Variants in ARPC1B observed in about 807,000 individuals in gnomAD.
ARPC1B encodes actin-related protein 2/3 complex subunit 1B.
Under a neutral mutation model 46.0 loss-of-function variants are expected in ARPC1B, and 29 were observed. The ratio of observed to expected loss-of-function variants is 0.63; its 90% CI spans 0.47 to 0.86. The LOEUF (loss-of-function observed/expected upper bound fraction) is 0.86, where lower values mean the gene tolerates loss of function less well. Ranked by LOEUF, ARPC1B falls within the 40% of genes least tolerant of loss-of-function variation. The probability of loss-of-function intolerance (pLI) is 0.00; values close to 1 mark genes in which losing one functional copy is unlikely to be tolerated. For synonymous variants in ARPC1B, 201 were observed against 213.9 expected, an observed-to-expected ratio of 0.94 and a Z score of 0.53; for missense variants, 469 against 529.4, an observed-to-expected ratio of 0.89 and a Z score of 1.12.
chr7:99,393,139 C>G (rs988260668), intron 8 of ARPC1B, among the ~76,000 whole-genome samples: 1 of 152,148 alleles, frequency 6.6e-6, no homozygotes, highest in Admixed American at 6.5e-5. Flanking sequence ...GGGCGGAGGC[C>G]GGCAGAGGTC....
At chr7:99,378,128 C>A (rs768746119) in intron 1 of ARPC1B, among the ~76,000 whole-genome samples, 1 of 152,026 alleles carries the variant, frequency 6.6e-6, no homozygotes, top group Admixed American at 6.6e-5. Flanking sequence ...GACGAGATCT[C>A]GGCTCACTGC....
chr7:99,384,809 A>G, intron 1 of ARPC1B, among the ~76,000 whole-genome samples: 1 of 150,666 alleles, frequency 6.6e-6, no homozygotes, highest in Admixed American at 6.6e-5. Flanking sequence ...GGCAGGGCCA[A>G]CTGCCATGTG....
chr7:99,390,605 C>T (rs1437321152), intron 5 of ARPC1B, among the ~76,000 whole-genome samples: 3 of 151,924 alleles, frequency 2.0e-5, no homozygotes, highest in Non-Finnish European at 4.4e-5. Flanking sequence ...GTCTCGAACC[C>T]CTGACTTCAA....
chr7:99,376,460 G>A (rs1007622602), intron 1 of ARPC1B: 1 of 152,206 alleles, frequency 6.6e-6, no homozygotes, highest in Admixed American at 6.6e-5. Flanking sequence ...CTAACTTCCT[G>A]GCCTCCAAGA....
At chr7:99,378,019 T>C (rs1340090143) in intron 1 of ARPC1B, among the ~76,000 whole-genome samples, 1 of 151,926 alleles carries the variant, frequency 6.6e-6, no homozygotes, top group African/African-American at 2.4e-5. Flanking sequence ...GTCACCTGGG[T>C]TTTTCCACAC....
In ARPC1B at chr7:99,394,632, C is replaced by A; in HGVS notation, c.*143C>A. The A allele has an allele frequency of 1.4e-6, 2 of 1,455,908 alleles. No individual in the cohort carries two copies. The highest frequency in any genetic ancestry group is 1.4e-5 in the South Asian group (1 of 70,670). 90.2% of individuals were successfully genotyped at this position (1,455,908 alleles called of 1,614,324 possible). A position where few individuals can be genotyped will look rare whatever the true frequency, so the allele number is the denominator to read the frequency against. On this transcript the variant is annotated 3_prime_UTR_variant, in exon 10 of 10. Coordinates refer to ENST00000646101, the MANE Select transcript of ARPC1B (RefSeq NM_005720.4). The stretch of plus-strand genomic sequence containing the variant: ...GCTGCTCCCTCAAAAAGGGAGGGGA[C>A]AGATGGGGAGCTTTTCTTACCTATT...
intron 3 of ARPC1B, among the ~76,000 whole-genome samples, chr7:99,387,810 G>C (rs1584407038): frequency 6.6e-6 from 1 of 151,350 alleles, no homozygotes; most frequent in Non-Finnish European, 1.5e-5. Context: ...TGAGGCACGA[G>C]GATTGCTTGA....
chr7:99,393,926 A>G, intron 8 of ARPC1B, 103 bp from the exon 9 acceptor site: 2 of 1,190,098 alleles, frequency 1.7e-6, no homozygotes, highest in Non-Finnish European at 1.2e-6. Context: ...ACTTCTCACT[A>G]AAGCCCGCTC....
At chr7:99,378,226 ATTTTTT>A (rs557812870) in intron 1 of ARPC1B, among the ~76,000 whole-genome samples, 2 of 138,550 alleles carry the variant, frequency 1.4e-5, no homozygotes, top group Non-Finnish European at 3.2e-5. Context: ...CATCCCGCTA[ATTTTTT>A]TTTTTTTTTT....
At chr7:99,377,790 A>C (rs1794073638) in intron 1 of ARPC1B, among the ~76,000 whole-genome samples, 1 of 151,254 alleles carries the variant, frequency 6.6e-6, no homozygotes, top group African/African-American at 2.4e-5. Flanking sequence ...GCCCACCACC[A>C]AGCCCAGATA....
chr7:99,381,445 G>A (rs1342757721), intron 1 of ARPC1B, among the ~76,000 whole-genome samples: 2 of 152,108 alleles, frequency 1.3e-5, no homozygotes, highest in African/African-American at 4.8e-5. Context: ...CATGCAAAGT[G>A]TGCTTGTGTG....
chr7:99,394,410 G>A (rs371286075), intron 9 of ARPC1B, 41 bp from the exon 10 acceptor site: 2 of 1,563,680 alleles, frequency 1.3e-6, no homozygotes, highest in Non-Finnish European at 1.8e-6. Flanking sequence ...GGTGCCTGCA[G>A]GACAGCTGAG....
At chr7:99,389,827 C>G (rs1794509679) in intron 4 of ARPC1B, 78 bp from the exon 5 acceptor site, 3 of 1,223,008 alleles carry the variant, frequency 2.5e-6, no homozygotes, top group Non-Finnish European at 3.6e-6. Flanking sequence ...CAGTGGGAGC[C>G]TGGAGTCCCT....
At chr7:99,382,333 C>T (rs370241865) in intron 1 of ARPC1B, among the ~76,000 whole-genome samples, 6 of 141,498 alleles carry the variant, frequency 4.2e-5, no homozygotes, top group African/African-American at 1.1e-4. Flanking sequence ...ACTCAGGAGG[C>T]GGAGGTTGGA....
chr7:99,374,309 CGACGGGGCTGCA>C (rs1793972705), upstream of ARPC1B: 2 of 152,212 alleles, frequency 1.3e-5, no homozygotes, highest in African/African-American at 4.8e-5. This position sits in a 1 kb window ranked among gnomAD's most constrained non-coding sequence, Gnocchi z 5.0. Flanking sequence ...CGCTGGCTGC[CGACGGGGCTGCA>C]GGGCTCGCTA....
At chr7:99,380,335 G>A (rs768048010) in intron 1 of ARPC1B, among the ~76,000 whole-genome samples, 17 of 150,904 alleles carry the variant, frequency 1.1e-4, no homozygotes, top group Non-Finnish European at 2.2e-4. Context: ...GGGAGTTATC[G>A]CAGAGGCGCT....
At position 99,389,989 on chromosome 7, in the gene ARPC1B, C is replaced by T. The variant is rs200945199; in HGVS notation, c.477C>T (p.Ala159=). ...DWHPNNVLLA[A]GSCDFKCRIF... is the part of the protein sequence containing the mutation. ...ACCCCAACAATGTGCTGCTGGCTGCCGGCTCCTGTGACTTCAAGTGTCGGT... is the reference window on the plus strand; with the variant it reads ...ACCCCAACAATGTGCTGCTGGCTGCTGGCTCCTGTGACTTCAAGTGTCGGT... The change falls in exon 5 of 10, where the codon GCC becomes GCT. Residue 159 remains alanine (A), a synonymous_variant. Coordinates refer to ENST00000646101, the MANE Select transcript of ARPC1B (RefSeq NM_005720.4). The T allele has an allele frequency of 6.4e-5, 103 of 1,614,110 alleles. No individual in the cohort carries two copies. Among genetic ancestry groups the T allele is most frequent in the African/African-American group, 2.8e-4 (21 of 75,060 alleles).
At position 99,390,881 on chromosome 7, in the gene ARPC1B, C is replaced by G; in HGVS notation, c.501-12C>G. 6.3e-7 allele frequency: 1 copy of G among 1,589,884 alleles called. No homozygotes were observed. The highest frequency in any genetic ancestry group is 8.6e-7 in the Non-Finnish European group (1 of 1,163,636). On this transcript the variant is annotated splice_polypyrimidine_tract_variant and intron_variant, in intron 5 of 9. Coordinates refer to ENST00000646101, the MANE Select transcript of ARPC1B (RefSeq NM_005720.4). ...CCTGGCTACTTTACCTCTACTTTGCCTATCCCGGTAGGATCTTTTCAGCCT... is the reference window on the plus strand; with the variant it reads ...CCTGGCTACTTTACCTCTACTTTGCGTATCCCGGTAGGATCTTTTCAGCCT...
intron 9 of ARPC1B, 75 bp from the exon 10 acceptor site, chr7:99,394,375 TG>T: frequency 7.6e-7 from 1 of 1,315,714 alleles, no homozygotes; most frequent in Non-Finnish European, 1.1e-6. Flanking sequence ...GGGGCTGAGA[TG>T]GGTGATCAGG....
Sources: gnomAD v4.1 joint callset for allele counts (sites outside exome capture counted in the v4.1 genomes callset) on GRCh38, gnomAD v4.1.1 for gene constraint, Gnocchi (gnomAD v3.1) non-coding constraint, MANE v1.5 for transcripts, NCBI Gene and HGNC (gene_info 2026-07-23, HGNC 2026-07-21) for gene names.